Variants in RGS6 observed in about 807,000 individuals in gnomAD.
RGS6 encodes regulator of G protein signaling 6, also known as regulator of G-protein signaling 6.
A neutral mutation model predicts 78.5 loss-of-function variants in RGS6; 30 were observed. That is an observed-to-expected ratio of 0.38 (90% CI 0.29 to 0.52). The LOEUF (loss-of-function observed/expected upper bound fraction) is 0.52, where lower values mean the gene tolerates loss of function less well. Among genes scored for constraint, RGS6 ranks in the 20% least tolerant of loss-of-function variants. RGS6 has a pLI of 0.85. For synonymous variants in RGS6, 206 were observed against 206.0 expected, an observed-to-expected ratio of 1.00 and a Z score of 0.00; for missense variants, 495 against 609.7, an observed-to-expected ratio of 0.81 and a Z score of 1.98.
downstream of RGS6, among the ~76,000 whole-genome samples, chr14:72,569,097 G>A (rs924350037): frequency 2.0e-5 from 3 of 146,938 alleles, no homozygotes; most frequent in African/African-American, 5.4e-5. Context: ...GGAGGAACCT[G>A]TGAGATTCTC....
chr14:72,125,069 C>T (rs2096154392), intron 2 of RGS6, among the ~76,000 whole-genome samples: 1 of 152,196 alleles, frequency 6.6e-6, no homozygotes, highest in African/African-American at 2.4e-5. Context: ...TCCCACCAGA[C>T]TCCAGATGCT....
At chr14:71,984,110 A>G (rs1166268173) in intron 2 of RGS6, among the ~76,000 whole-genome samples, 2 of 152,134 alleles carry the variant, frequency 1.3e-5, no homozygotes, top group African/African-American at 4.8e-5. Flanking sequence ...AGTGGGGGCT[A>G]TACATATATT....
chr14:72,569,881 A>C (rs904010848), downstream of RGS6, among the ~76,000 whole-genome samples: 4 of 152,226 alleles, frequency 2.6e-5, no homozygotes, highest in African/African-American at 9.6e-5. Flanking sequence ...TTGGAGGAGC[A>C]GAGCTTAGCG....
chr14:72,434,938 T>G (rs2094831775), intron 3 of RGS6, among the ~76,000 whole-genome samples: 1 of 152,230 alleles, frequency 6.6e-6, no homozygotes, highest in East Asian at 1.9e-4. Flanking sequence ...TCTTAGTAGC[T>G]TTGCTCATGA....
intron 6 of RGS6, among the ~76,000 whole-genome samples, chr14:72,464,063 A>T (rs989673197): frequency 2.6e-5 from 4 of 152,202 alleles, no homozygotes; most frequent in Non-Finnish European, 5.9e-5. Flanking sequence ...AATCAACCGC[A>T]CTCAAAATAA....
intron 16 of RGS6, chr14:72,537,806 T>C: frequency 4.3e-6 from 2 of 467,592 alleles, no homozygotes; most frequent in East Asian, 7.2e-5. Context: ...TTAACCAGTC[T>C]AGGCCTGTCT....
At chr14:72,177,225 A>C (rs1435147403) in intron 2 of RGS6, among the ~76,000 whole-genome samples, 1 of 152,188 alleles carries the variant, frequency 6.6e-6, no homozygotes, top group African/African-American at 2.4e-5. Flanking sequence ...ATAGGCACCC[A>C]TGTCTCTCAG....
intron 2 of RGS6, among the ~76,000 whole-genome samples, chr14:72,080,803 C>T (rs1014699868): frequency 6.6e-6 from 1 of 151,898 alleles, no homozygotes; most frequent in African/African-American, 2.4e-5. Flanking sequence ...TTCTTGGTAC[C>T]TTTGTAAAAA....
At chr14:72,290,321 G>A (rs1220438092) in intron 2 of RGS6, among the ~76,000 whole-genome samples, 1 of 152,070 alleles carries the variant, frequency 6.6e-6, no homozygotes, top group Non-Finnish European at 1.5e-5. Context: ...ACCTTTGCTA[G>A]GTCACAGGTT....
chr14:71,892,122 C>T, the RGS6 span, among the ~76,000 whole-genome samples: 2 of 152,144 alleles, frequency 1.3e-5, no homozygotes, highest in Non-Finnish European at 2.9e-5. Flanking sequence ...ACCTTAATGG[C>T]ACCTAATTGC....
chr14:72,522,404 A>G (rs2097057565), intron 15 of RGS6, among the ~76,000 whole-genome samples: 1 of 152,226 alleles, frequency 6.6e-6, no homozygotes, highest in East Asian at 1.9e-4. Flanking sequence ...ATTCCACAAC[A>G]GGGCGATTTT....
the RGS6 span, among the ~76,000 whole-genome samples, chr14:71,884,630 G>A: frequency 5.8e-4 from 88 of 152,284 alleles, no homozygotes; most frequent in Middle Eastern, 3.4e-3. Flanking sequence ...AAGTGATCCT[G>A]TCTTCTAAGC....
intron 2 of RGS6, among the ~76,000 whole-genome samples, chr14:72,270,909 A>G (rs2059836978): frequency 6.6e-6 from 1 of 152,210 alleles, no homozygotes; most frequent in African/African-American, 2.4e-5. Flanking sequence ...GACATGGGGC[A>G]TTCCCTTTTG....
At chr14:72,619,347 A>AT in the RGS6 span, 2 of 1,536,168 alleles carry the variant, frequency 1.3e-6, no homozygotes, top group Non-Finnish European at 8.7e-7. Flanking sequence ...AGTTCCCAGC[A>AT]TAAGTGGCAG....
chr14:72,558,518 ACAGCATGTCAAG>A (rs780212946), intron 17 of RGS6, among the ~76,000 whole-genome samples: 3 of 152,238 alleles, frequency 2.0e-5, no homozygotes, highest in Non-Finnish European at 4.4e-5. Flanking sequence ...GCACAGAGCC[ACAGCATGTCAAG>A]CAGCATGTTG....
intron 15 of RGS6, among the ~76,000 whole-genome samples, chr14:72,526,259 A>T (rs1473592182): frequency 7.6e-6 from 1 of 131,062 alleles, no homozygotes; most frequent in Non-Finnish European, 1.6e-5. Flanking sequence ...ACCTGCCACC[A>T]CGCCCAGCTA....
chr14:72,319,292 G>T (rs1354036431), intron 2 of RGS6, among the ~76,000 whole-genome samples: 1 of 151,784 alleles, frequency 6.6e-6, no homozygotes, highest in African/African-American at 2.4e-5. Context: ...GTAATATGGT[G>T]ACGTGAGAAG....
At chr14:71,891,384 A>T in the RGS6 span, among the ~76,000 whole-genome samples, 1 of 152,280 alleles carries the variant, frequency 6.6e-6, no homozygotes, top group East Asian at 1.9e-4. Context: ...CTGGCAGTTG[A>T]TGCTGGCTGT....
chr14:72,065,464 A>G (rs960589900), intron 2 of RGS6, among the ~76,000 whole-genome samples: 1 of 152,188 alleles, frequency 6.6e-6, no homozygotes, highest in Non-Finnish European at 1.5e-5. Flanking sequence ...TAATATGACT[A>G]TTGGTTTAAT....
Sources: gnomAD v4.1 joint callset for allele counts (sites outside exome capture counted in the v4.1 genomes callset) on GRCh38, gnomAD v4.1.1 for gene constraint, MANE v1.5 for transcripts, NCBI Gene and HGNC (gene_info 2026-07-23, HGNC 2026-07-21) for gene names.